The following CDK5RAP2 variants were observed in gnomAD, a reference collection of about 807,000 sequenced individuals.
CDK5RAP2 encodes CDK5 regulatory subunit associated protein 2.
Under a neutral mutation model 232.9 loss-of-function variants are expected in CDK5RAP2, and 147 were observed. The observed-to-expected ratio is 0.63, with a 90% CI of 0.55 to 0.72. The LOEUF (loss-of-function observed/expected upper bound fraction) is 0.72, where lower values mean the gene tolerates loss of function less well. CDK5RAP2 is among the 30% of genes least tolerant of loss of function. The probability of loss-of-function intolerance (pLI) is 0.00; values close to 1 mark genes in which losing one functional copy is unlikely to be tolerated. For synonymous variants in CDK5RAP2, 833 were observed against 833.7 expected (o/e 1.00, Z 0.01); for missense variants, 2,195 against 2,231.5 (o/e 0.98, Z 0.33).
chr9:120,532,080 C>T (rs555638411), intron 7 of CDK5RAP2, among the ~76,000 whole-genome samples: 1 of 151,810 alleles, frequency 6.6e-6, no homozygotes, highest in African/African-American at 2.4e-5. Context: ...CTGGTGGGGA[C>T]TCCTGTGGCC....
At chr9:120,401,965 C>T (rs1237514143) in intron 34 of CDK5RAP2, among the ~76,000 whole-genome samples, 1 of 151,652 alleles carries the variant, frequency 6.6e-6, no homozygotes, top group African/African-American at 2.4e-5. Context: ...GCCTGAGCAA[C>T]AGAATGAGAC....
chr9:120,492,302 G>T (rs2038950143), intron 12 of CDK5RAP2, among the ~76,000 whole-genome samples: 1 of 152,094 alleles, frequency 6.6e-6, no homozygotes, highest in African/African-American at 2.4e-5. Context: ...TAAATATACT[G>T]CCCTAAAGTA....
intron 15 of CDK5RAP2, among the ~76,000 whole-genome samples, chr9:120,476,936 C>G (rs1347937522): frequency 6.6e-6 from 1 of 152,176 alleles, no homozygotes; most frequent in African/African-American, 2.4e-5. Flanking sequence ...CACTTGACAT[C>G]TGTGTGACTT....
chr9:120,543,385 A>T (rs1263238586), intron 5 of CDK5RAP2, among the ~76,000 whole-genome samples: 1 of 152,224 alleles, frequency 6.6e-6, no homozygotes, highest in Non-Finnish European at 1.5e-5. Context: ...ATTTTAAGAT[A>T]AAGATCAAAA....
At position 120,400,764 on chromosome 9, in the gene CDK5RAP2, T is replaced by C. The variant is rs747332092; in HGVS notation, c.5429A>G (p.Gln1810Arg). ...LWRVSLPEDG[Q>R]CPLHCEQIGE... The stretch of plus-strand genomic sequence containing the variant: ...TACCTGCTCACAGTGAAGGGGGCAC[T>C]GGCCATCCTCGGGGAGTGAGACTCT... The change falls in exon 35 of 38, where the codon CAG becomes CGG. Residue 1810 changes from glutamine (Q) to arginine (R), a missense_variant. By Grantham distance (43) the Gln-to-Arg change is conservative (BLOSUM62 1). Transcript: ENST00000349780. 11 of 1,613,828 alleles carry C rather than the reference T, an allele frequency of 6.8e-6. No homozygotes were observed. Among genetic ancestry groups the C allele is most frequent in the Admixed American group, 6.7e-5 (4 of 60,004 alleles).
intron 35 of CDK5RAP2, 50 bp from the exon 36 acceptor site, chr9:120,394,688 T>A (rs765427647): frequency 1.4e-6 from 2 of 1,381,630 alleles, no homozygotes; most frequent in South Asian, 2.3e-5. Flanking sequence ...AAACATCATG[T>A]TACACAGGAA....
chr9:120,509,985 T>C (rs537937171), intron 12 of CDK5RAP2, among the ~76,000 whole-genome samples: 1 of 152,268 alleles, frequency 6.6e-6, no homozygotes, highest in Admixed American at 6.5e-5. Context: ...ACATTTTTTT[T>C]TAGGGCAAGA....
At chr9:120,578,601 T>G (rs1564398898) in intron 1 of CDK5RAP2, among the ~76,000 whole-genome samples, 1 of 151,902 alleles carries the variant, frequency 6.6e-6, no homozygotes, top group South Asian at 2.1e-4. Context: ...GAGTCTCACT[T>G]TGTCACCCAG....
At chr9:120,407,956 G>A (rs535266156) in intron 31 of CDK5RAP2, 1 of 295,292 alleles carries the variant, frequency 3.4e-6, no homozygotes, top group African/African-American at 2.2e-5. Context: ...TGCCTACTAT[G>A]TGTCAGGTAT....
chr9:120,572,760 C>T (rs147736743), intron 1 of CDK5RAP2, among the ~76,000 whole-genome samples: 23 of 152,340 alleles, frequency 1.5e-4, no homozygotes, highest in African/African-American at 5.5e-4. Context: ...CAGCAGCTAC[C>T]TCACAGAGTA....
chr9:120,453,846 T>C lies in CDK5RAP2; in HGVS notation c.2403A>G (p.Glu801=). Residue 801 remains glutamate, a synonymous_variant, in exon 21 of 38, where the codon GAA becomes GAG. Transcript: ENST00000349780. ...SRPDLLKVVR[E]LLLGQLFLTE... ...TCAAGAATAGTTGTCCCAGAAGCAG[T>C]TCCCGTACCACTTTCAGAAGGTCTG... is the stretch of plus-strand genomic sequence containing the variant. 1 of 1,614,172 alleles carries C rather than the reference T, an allele frequency of 6.2e-7. No homozygotes were observed. Among genetic ancestry groups the C allele is most frequent in the Non-Finnish European group, 8.5e-7 (1 of 1,180,004 alleles).
At chr9:120,528,907 G>T in intron 8 of CDK5RAP2, 110 bp from the exon 9 acceptor site, 1 of 774,972 alleles carries the variant, frequency 1.3e-6, no homozygotes. Context: ...CCCCACTACT[G>T]TGGAACTCGT....
chr9:120,433,128 T>C (rs192350234), intron 25 of CDK5RAP2, among the ~76,000 whole-genome samples: 1 of 152,288 alleles, frequency 6.6e-6, no homozygotes, highest in Non-Finnish European at 1.5e-5. Context: ...TAGGCCCAGA[T>C]GGGTAAACTA....
rs776447144 is a variant in CDK5RAP2, at chr9:120,471,870, T to C, written c.1736A>G (p.Asn579Ser). The stretch of plus-strand genomic sequence containing the variant: ...AATCTTGTTTAACTCAGCCTGCAGG[T>C]TGTTGATACTTGGTAAAACAAGACA... ...KSLQESDSINNLQAELNKIFA... is the reference protein window; with the variant it reads ...KSLQESDSINSLQAELNKIFA... Residue 579 changes from asparagine to serine, a missense_variant, in exon 16 of 38, where the codon AAC becomes AGC. Transcript: ENST00000349780. 1 of 1,614,128 alleles carries C rather than the reference T, an allele frequency of 6.2e-7. No homozygotes were observed. Among genetic ancestry groups the C allele is most frequent in the Non-Finnish European group, 8.5e-7 (1 of 1,179,960 alleles).
At chr9:120,463,441 T>C (rs1234255435) in intron 18 of CDK5RAP2, among the ~76,000 whole-genome samples, 1 of 152,210 alleles carries the variant, frequency 6.6e-6, no homozygotes, top group Non-Finnish European at 1.5e-5. Context: ...CTCAGTATTC[T>C]CTGCCTCTCT....
At position 120,517,741 on chromosome 9, in the gene CDK5RAP2, G is replaced by A. The variant is rs573150929; in HGVS notation, c.1311+686C>T. ...AGTCCTTAAAATATTCATACTCTTT[G>A]GCCCAGTTATTATACCTCTATCAGG... On this transcript the variant is annotated intron_variant, in intron 12 of 37. Transcript: ENST00000349780. 164 of 204,842 alleles carry A rather than the reference G, an allele frequency of 8.0e-4. 4 individuals are homozygous for A. In the South Asian group the frequency reaches 0.012, roughly 15 times the overall value. The allele number at this position is 204,842 out of a possible 1,614,324, so 12.7% of individuals were successfully genotyped here. A position where few individuals can be genotyped will look rare whatever the true frequency, so the allele number is the denominator to read the frequency against.
intron 22 of CDK5RAP2, among the ~76,000 whole-genome samples, chr9:120,447,258 C>T (rs1477731466): frequency 6.6e-6 from 1 of 152,114 alleles, no homozygotes; most frequent in Admixed American, 6.5e-5. Flanking sequence ...TGTGGGAGGG[C>T]CCTCTGCTTT....
chr9:120,458,489 G>A lies in CDK5RAP2; in HGVS notation c.2336C>T (p.Pro779Leu), dbSNP rs141117301. Residue 779 changes from proline (P) to leucine (L), a missense_variant, in exon 20 of 38, where the codon CCT becomes CTT. Physicochemically the swap from Pro to Leu is moderately conservative, Grantham distance 98. Transcript: ENST00000349780. ...EEGAFINLLA[P>L]LFNEKATLLL... is the part of the protein sequence containing the mutation. ...TAATGTGGCCTTCTCATTGAACAAA[G>A]GGGCAAGCAGGTTTATGAATGCACC... The A allele has an allele frequency of 4.3e-6, 7 of 1,614,034 alleles. No homozygotes were observed. The highest frequency in any genetic ancestry group is 5.1e-6 in the Non-Finnish European group (6 of 1,180,038).
intron 18 of CDK5RAP2, among the ~76,000 whole-genome samples, chr9:120,461,700 G>C (rs747651539): frequency 6.6e-6 from 1 of 152,116 alleles, no homozygotes. Flanking sequence ...AAATTCGCCG[G>C]GTGTGGTGGT....
Sources: allele counts gnomAD v4.1 joint callset (sites outside exome capture counted in the v4.1 genomes callset), GRCh38; gene constraint gnomAD v4.1.1; transcripts MANE v1.5; gene names NCBI Gene and HGNC (gene_info 2026-07-23, HGNC 2026-07-21).